ARHGEF7: variants seen among roughly 807,000 people sequenced by gnomAD.
ARHGEF7 encodes PAK-interacting exchange factor beta.
In ARHGEF7, 33 loss-of-function variants were observed where a neutral mutation model predicts 109.8. That is an observed-to-expected ratio of 0.30 (90% CI 0.23 to 0.40). The LOEUF is 0.40. ARHGEF7 is among the 10% of genes least tolerant of loss of function. ARHGEF7 has a pLI of 1.00. For missense variants in ARHGEF7, 938 were observed against 1,098.5 expected, an observed-to-expected ratio of 0.85 and a Z score of 2.07; for synonymous variants, 458 against 424.6, an observed-to-expected ratio of 1.08 and a Z score of -0.97.
chr13:111,204,553 G>T (rs1018760586), intron 2 of ARHGEF7, among the ~76,000 whole-genome samples: 2 of 152,166 alleles, frequency 1.3e-5, no homozygotes, highest in Non-Finnish European at 2.9e-5. Flanking sequence ...CTAGACACTA[G>T]TTGCCACATA....
At chr13:111,183,683 G>A (rs1023250985) in intron 2 of ARHGEF7, among the ~76,000 whole-genome samples, 1 of 152,056 alleles carries the variant, frequency 6.6e-6, no homozygotes, top group Non-Finnish European at 1.5e-5. Context: ...CCCCATTATG[G>A]CCTCTTTATG....
chr13:111,184,678 C>T lies in ARHGEF7; in HGVS notation c.253-20611C>T, dbSNP rs117188566. Among the ~76,000 whole-genome samples the T allele has an allele frequency of 3.1e-3, 477 of 152,260 alleles. 1 individual carries two copies. The highest frequency in any genetic ancestry group is 0.011 in the South Asian group (54 of 4,824). ...CTCCATCTTTTTGGGAGTCATAGGT[C>T]AGTTCTCTTTGTGCTATGCTGTTAT... On this transcript the variant is annotated intron_variant, in intron 2 of 21. Coordinates refer to ENST00000646102, the MANE Select transcript of ARHGEF7 (RefSeq NM_001354046.2).
At chr13:111,146,555 C>T (rs953947886) in intron 1 of ARHGEF7, among the ~76,000 whole-genome samples, 1 of 152,228 alleles carries the variant, frequency 6.6e-6, no homozygotes, top group Admixed American at 6.5e-5. Flanking sequence ...AAATACTTCT[C>T]AGATGTGACT....
At chr13:111,118,122 G>A (rs1268525877) in intron 1 of ARHGEF7, among the ~76,000 whole-genome samples, 1 of 152,270 alleles carries the variant, frequency 6.6e-6, no homozygotes, top group Non-Finnish European at 1.5e-5. Context: ...TCACAACCTG[G>A]CATGGGCCAT....
At chr13:111,299,821 G>A (rs1285838112) in intron 19 of ARHGEF7, among the ~76,000 whole-genome samples, 2 of 152,148 alleles carry the variant, frequency 1.3e-5, no homozygotes, top group Non-Finnish European at 2.9e-5. Context: ...CATAGTTAGC[G>A]AGCGTGTCTC....
intron 13 of ARHGEF7, among the ~76,000 whole-genome samples, chr13:111,279,985 G>A (rs568362192): frequency 1.5e-4 from 23 of 152,200 alleles, no homozygotes; most frequent in African/African-American, 5.5e-4. Context: ...CTTTTGTCCT[G>A]GTGTCTATGT....
chr13:111,216,526 G>T (rs1236674242), intron 4 of ARHGEF7, among the ~76,000 whole-genome samples: 2 of 151,866 alleles, frequency 1.3e-5, no homozygotes, highest in Non-Finnish European at 2.9e-5. Flanking sequence ...GATGTCGCTG[G>T]TGGGGATAGA....
intron 5 of ARHGEF7, among the ~76,000 whole-genome samples, chr13:111,225,450 G>C (rs989473303): frequency 6.6e-6 from 1 of 151,828 alleles, no homozygotes; most frequent in African/African-American, 2.4e-5. Flanking sequence ...ACAGTATGCA[G>C]AGACTTCTCT....
chr13:111,303,489 G>A lies in ARHGEF7; in HGVS notation c.*376G>A, dbSNP rs1238094788. On this transcript the variant is annotated 3_prime_UTR_variant, in exon 22 of 22. Transcript: ENST00000646102. ...CCATTTTGAATGCATACCTGTGGTG[G>A]TTCTGTCCGGGCTAATCCCCATGCT... The A allele has an allele frequency of 6.5e-6, 1 of 154,126 alleles. No individual in the cohort carries two copies. The highest frequency in any genetic ancestry group is 1.4e-5 in the Non-Finnish European group (1 of 69,368). 9.5% of individuals were successfully genotyped at this position (154,126 alleles called of 1,614,324 possible). A position where few individuals can be genotyped will look rare whatever the true frequency, so the allele number is the denominator to read the frequency against.
rs1189068122 is a variant in ARHGEF7 at position 111,301,459 on chromosome 13, G to C, written c.2412-19G>C. 1.2e-6 allele frequency: 2 copies of C among 1,610,396 alleles called. No homozygotes were observed. The highest frequency in any genetic ancestry group is 8.5e-7 in the Non-Finnish European group (1 of 1,177,290). On this transcript the variant is annotated intron_variant, in intron 20 of 21. Coordinates refer to ENST00000646102, the MANE Select transcript of ARHGEF7 (RefSeq NM_001354046.2). ...TGCCTCACCTTGTTCATGTGTGTGTGTTCTGTTTCCTGTTTCAGGAGTCTT... is the reference window on the plus strand; with the variant it reads ...TGCCTCACCTTGTTCATGTGTGTGTCTTCTGTTTCCTGTTTCAGGAGTCTT...
rs902363142 is a variant in ARHGEF7 at position 111,304,010 on chromosome 13, C to T, written c.*897C>T. The T allele has an allele frequency of 4.6e-5, 7 of 152,222 alleles. No individual in the cohort carries two copies. Among genetic ancestry groups the T allele is most frequent in the Non-Finnish European group, 1.0e-4 (7 of 68,054 alleles). The allele number at this position is 152,222 out of a possible 1,614,324, so 9.4% of individuals were successfully genotyped here. On this transcript the variant is annotated 3_prime_UTR_variant, in exon 22 of 22. Coordinates refer to ENST00000646102, the MANE Select transcript of ARHGEF7 (RefSeq NM_001354046.2). The stretch of plus-strand genomic sequence containing the variant: ...ATGTATTATTTATTATAAGTCACTG[C>T]AGCTGATGAAAACAGATGGAGGCCA...
chr13:111,194,926 A>G (rs2153451592), intron 2 of ARHGEF7, among the ~76,000 whole-genome samples: 1 of 152,328 alleles, frequency 6.6e-6, no homozygotes, highest in East Asian at 1.9e-4. Context: ...TTGAGAGAGC[A>G]GGGTATAGGG....
At chr13:111,286,048 A>G (rs2093005112) in intron 16 of ARHGEF7, 99 bp from the exon 17 acceptor site, 2 of 851,944 alleles carry the variant, frequency 2.3e-6, no homozygotes, top group East Asian at 5.1e-5. Flanking sequence ...AGTGGCTATA[A>G]TAATTTGGGG....
At chr13:111,150,725 A>G (rs942192272) in intron 1 of ARHGEF7, among the ~76,000 whole-genome samples, 1 of 152,138 alleles carries the variant, frequency 6.6e-6, no homozygotes, top group East Asian at 1.9e-4. Flanking sequence ...CAAGCTTTAC[A>G]ATAAAGTTCC....
chr13:111,217,649 A>G (rs1288240695), intron 4 of ARHGEF7, 30 bp from the exon 5 acceptor site: 1 of 1,584,248 alleles, frequency 6.3e-7, no homozygotes, highest in Non-Finnish European at 8.7e-7. Context: ...TCTTGGTATA[A>G]TTTTTCTCCC....
chr13:111,273,671 T>A lies in ARHGEF7; in HGVS notation c.1074-143T>A. On this transcript the variant is annotated intron_variant, in intron 9 of 21. Transcript: ENST00000646102. The surrounding 1 kb of genome is among the most constrained non-coding windows in gnomAD (Gnocchi z 4.5). ...GGCATTTCCAGATAAGCAGCGCAGA[T>A]TTGGGATAAAAGCTGGAGCCTTCCA... 8.7e-7 allele frequency: 1 copy of A among 1,155,526 alleles called. No individual in the cohort carries two copies. Among genetic ancestry groups the A allele is most frequent in the South Asian group, 1.5e-5 (1 of 67,320 alleles). The allele number at this position is 1,155,526 out of a possible 1,614,324, so 71.6% of individuals were successfully genotyped here.
At chr13:111,201,622 G>A (rs1252489178) in intron 2 of ARHGEF7, among the ~76,000 whole-genome samples, 1 of 152,296 alleles carries the variant, frequency 6.6e-6, no homozygotes, top group Admixed American at 6.5e-5. Context: ...GATTTGGTGT[G>A]CCCTTTTCTT....
At chr13:111,151,761 A>C (rs2075897178) in intron 1 of ARHGEF7, among the ~76,000 whole-genome samples, 1 of 152,160 alleles carries the variant, frequency 6.6e-6, no homozygotes, top group Non-Finnish European at 1.5e-5. Context: ...ATTAGACAGC[A>C]TTTCAGCACT....
rs528680045 is a variant in ARHGEF7, at chr13:111,184,529, T to TCCCAGC, written c.253-20757_253-20752dup. The stretch of plus-strand genomic sequence containing the variant: ...AACCCAGAGAACCCGCTGGCATGGT[T>TCCCAGC]CCCAGCCCTGAAACCCTTAGCCGGT... On this transcript the variant is annotated intron_variant, in intron 2 of 21. Transcript: ENST00000646102. Among the ~76,000 whole-genome samples, 96 of 152,288 alleles carry TCCCAGC rather than the reference T, an allele frequency of 6.3e-4. No homozygotes were observed. In the South Asian group the frequency reaches 0.019, roughly 30 times the overall value.
Sources: allele counts gnomAD v4.1 joint callset (sites outside exome capture counted in the v4.1 genomes callset), GRCh38; gene constraint gnomAD v4.1.1; non-coding constraint Gnocchi (gnomAD v3.1); transcripts MANE v1.5; gene names NCBI Gene and HGNC (gene_info 2026-07-23, HGNC 2026-07-21).